EFCAB6: variants seen among roughly 807,000 people sequenced by gnomAD.
EFCAB6 encodes the protein EF-hand calcium-binding domain-containing protein 6.
A neutral mutation model predicts 169.8 loss-of-function variants in EFCAB6; 156 were observed. That is an observed-to-expected ratio of 0.92 (90% CI 0.81 to 1.05). The LOEUF (loss-of-function observed/expected upper bound fraction) is 1.05. EFCAB6 is among the 50% of genes least tolerant of loss of function. The pLI is 0.00. For missense variants in EFCAB6, 1,800 were observed against 1,829.1 expected, an observed-to-expected ratio of 0.98 and a Z score of 0.29; for synonymous variants, 698 against 676.4, an observed-to-expected ratio of 1.03 and a Z score of -0.50.
chr22:43,784,306 G>A (rs947134238), intron 2 of EFCAB6, among the ~76,000 whole-genome samples: 2 of 151,758 alleles, frequency 1.3e-5, no homozygotes, highest in African/African-American at 4.8e-5. Context: ...CAAAAATTGA[G>A]AGAATGTGTT....
intron 6 of EFCAB6, among the ~76,000 whole-genome samples, chr22:43,742,467 G>C (rs2060410618): frequency 6.6e-6 from 1 of 152,188 alleles, no homozygotes; most frequent in Non-Finnish European, 1.5e-5. Context: ...ACTTACATCT[G>C]AGTGGGTGAG....
chr22:43,568,581 G>A (rs776893783), intron 26 of EFCAB6, among the ~76,000 whole-genome samples: 55 of 152,110 alleles, frequency 3.6e-4, no homozygotes, highest in South Asian at 6.2e-4. Context: ...ATCCTGATCC[G>A]GGTTCAGGGG....
At chr22:43,587,852 T>G (rs567806210) in intron 24 of EFCAB6, among the ~76,000 whole-genome samples, 1 of 152,298 alleles carries the variant, frequency 6.6e-6, no homozygotes, top group African/African-American at 2.4e-5. Context: ...CCTAGAGTGT[T>G]GACAACAGGA....
intron 27 of EFCAB6, chr22:43,553,527 C>A (rs1276261701): frequency 6.6e-6 from 1 of 152,352 alleles, no homozygotes; most frequent in Non-Finnish European, 1.5e-5. Flanking sequence ...TGGACGCTGT[C>A]CATTCAGCAG....
intron 10 of EFCAB6, among the ~76,000 whole-genome samples, chr22:43,692,110 CAAA>C (rs146932840): frequency 0.083 from 12,660 of 152,116 alleles, 651 homozygotes; most frequent in South Asian, 0.17. Flanking sequence ...TCTAACTCAC[CAAA>C]ATTCTTACTG....
chr22:43,614,919 C>T (rs772683563), intron 21 of EFCAB6, among the ~76,000 whole-genome samples: 2 of 152,076 alleles, frequency 1.3e-5, no homozygotes, highest in Middle Eastern at 3.4e-3. Flanking sequence ...ACAGACAGTC[C>T]ACTCTATGGA....
At chr22:43,728,144 T>C (rs1428460286) in intron 8 of EFCAB6, among the ~76,000 whole-genome samples, 1 of 151,958 alleles carries the variant, frequency 6.6e-6, no homozygotes, top group Non-Finnish European at 1.5e-5. Flanking sequence ...ACTCTCACAA[T>C]GAGTGAGAAC....
At position 43,626,625 on chromosome 22, in the gene EFCAB6, T is replaced by G; in HGVS notation, c.2287A>C (p.Met763Leu). ...AGGAGCAGTCTGTGAAGGTCATGCA[T>G]GTTGATTATGCCATCCCTGTCAGCA... ...TDADRDGIIN[M>L]HDLHRLLLHL... The change falls in exon 20 of 32, where the codon ATG (methionine) becomes CTG (leucine). Residue 763 changes from methionine to leucine, a missense_variant. Coordinates refer to ENST00000262726, the MANE Select transcript of EFCAB6 (RefSeq NM_022785.4). 1 of 1,614,224 alleles carries G rather than the reference T, an allele frequency of 6.2e-7. No homozygotes were observed. The highest frequency in any genetic ancestry group is 8.5e-7 in the Non-Finnish European group (1 of 1,180,038).
At chr22:43,560,407 A>C (rs1008474687) in intron 26 of EFCAB6, among the ~76,000 whole-genome samples, 1 of 152,212 alleles carries the variant, frequency 6.6e-6, no homozygotes, top group African/African-American at 2.4e-5. Context: ...ATGTACAACT[A>C]CTCTGGCAGT....
chr22:43,797,315 T>A (rs1322798375), intron 2 of EFCAB6: 3 of 152,638 alleles, frequency 2.0e-5, no homozygotes, highest in Non-Finnish European at 4.4e-5. Flanking sequence ...TTTCGTTTCA[T>A]GCCCTTCAAG....
intron 10 of EFCAB6, among the ~76,000 whole-genome samples, chr22:43,690,820 T>G (rs1010343153): frequency 1.4e-4 from 22 of 151,826 alleles, no homozygotes; most frequent in African/African-American, 5.3e-4. Context: ...TCCCATAGTT[T>G]CCTAGCTAAT....
At chr22:43,612,419 T>A (rs993584065) in intron 21 of EFCAB6, among the ~76,000 whole-genome samples, 1 of 152,142 alleles carries the variant, frequency 6.6e-6, no homozygotes, top group African/African-American at 2.4e-5. Flanking sequence ...ACATCCAGCA[T>A]CTATACGGAA....
At chr22:43,804,677 T>C (rs1163624577) in intron 2 of EFCAB6, among the ~76,000 whole-genome samples, 1 of 150,894 alleles carries the variant, frequency 6.6e-6, no homozygotes, top group Non-Finnish European at 1.5e-5. Context: ...TGAGGCAGTA[T>C]TGCTTGAGCT....
chr22:43,590,994 C>G (rs551719897), intron 23 of EFCAB6, among the ~76,000 whole-genome samples: 23 of 151,864 alleles, frequency 1.5e-4, no homozygotes, highest in Non-Finnish European at 2.8e-4. Context: ...TTTTTTTAAC[C>G]AGGCACTTTT....
In EFCAB6 at chr22:43,555,015, C is replaced by T; in HGVS notation, c.3502G>A (p.Ala1168Thr). The change falls in exon 27 of 32, where the codon GCT becomes ACT. Residue 1168 changes from alanine to threonine, a missense_variant. Transcript: ENST00000262726. ...PKATADRDILARLHKAVTSHY... is the reference protein window; with the variant it reads ...PKATADRDILTRLHKAVTSHY... ...GAAGTCACTGCTTTGTGGAGGCGAG[C>T]CAGGATGTCTCTGTCGGCTGTGGCC... 1 of 1,614,214 alleles carries T rather than the reference C, an allele frequency of 6.2e-7. No individual in the cohort carries two copies. The highest frequency in any genetic ancestry group is 1.1e-5 in the South Asian group (1 of 91,078).
At chr22:43,781,150 G>A (rs2061810318) in intron 3 of EFCAB6, among the ~76,000 whole-genome samples, 1 of 152,134 alleles carries the variant, frequency 6.6e-6, no homozygotes, top group African/African-American at 2.4e-5. Flanking sequence ...ACTAATACAT[G>A]AAATTAAAGG....
intron 26 of EFCAB6, among the ~76,000 whole-genome samples, chr22:43,563,195 A>C (rs2049181333): frequency 2.0e-5 from 3 of 152,206 alleles, no homozygotes; most frequent in African/African-American, 7.2e-5. Flanking sequence ...GGGCCTGAAG[A>C]GTGGGGACAG....
intron 8 of EFCAB6, among the ~76,000 whole-genome samples, chr22:43,717,947 G>C (rs772095326): frequency 1.3e-5 from 2 of 152,094 alleles, no homozygotes; most frequent in Admixed American, 6.5e-5. Context: ...CTAAATTAAC[G>C]GATGTGGGAA....
intron 26 of EFCAB6, among the ~76,000 whole-genome samples, chr22:43,567,682 T>C (rs574062685): frequency 4.6e-5 from 7 of 152,254 alleles, no homozygotes; most frequent in African/African-American, 1.7e-4. Context: ...TGGGAAAGAA[T>C]GTTTCTACCT....
Sources: allele counts gnomAD v4.1 joint callset (sites outside exome capture counted in the v4.1 genomes callset), GRCh38; gene constraint gnomAD v4.1.1; transcripts MANE v1.5; gene names NCBI Gene and HGNC (gene_info 2026-07-23, HGNC 2026-07-21).